Variants in USP31 observed in about 807,000 individuals in gnomAD.
The protein encoded by USP31 is ubiquitin specific peptidase 31, also known as ubiquitin carboxyl-terminal hydrolase 31.
Under a neutral mutation model 119.4 loss-of-function variants are expected in USP31, and 44 were observed. The ratio of observed to expected loss-of-function variants is 0.37; its 90% CI spans 0.29 to 0.47. The LOEUF (loss-of-function observed/expected upper bound fraction) is 0.47. USP31 is among the 20% of genes least tolerant of loss of function. The pLI, the probability that USP31 is intolerant of heterozygous loss-of-function variation, is 0.99. For missense variants in USP31, 1,643 were observed against 1,730.2 expected (o/e 0.95, Z 0.89); for synonymous variants, 749 against 705.6 (o/e 1.06, Z -0.97).
chr16:23,107,561 A>G (rs1338693146), intron 2 of USP31, among the ~76,000 whole-genome samples: 1 of 152,222 alleles, frequency 6.6e-6, no homozygotes, highest in Admixed American at 6.5e-5. Flanking sequence ...TTTTACCCAT[A>G]TTTGTAAGAC....
At chr16:23,078,196 C>A (rs1461343350) in intron 13 of USP31, among the ~76,000 whole-genome samples, 1 of 150,998 alleles carries the variant, frequency 6.6e-6, no homozygotes, top group Non-Finnish European at 1.5e-5. Context: ...CCTGTAGTCC[C>A]AGCTACTCGG....
At chr16:23,115,517 AAAG>A (rs1490930690) in intron 1 of USP31, among the ~76,000 whole-genome samples, 31 of 152,198 alleles carry the variant, frequency 2.0e-4, no homozygotes, top group Non-Finnish European at 8.8e-5. Context: ...AGAAAATAGA[AAAG>A]AAAAGAAAAA....
intron 13 of USP31, chr16:23,079,466 T>C (rs886898149): frequency 6.6e-6 from 1 of 152,572 alleles, no homozygotes; most frequent in African/African-American, 2.4e-5. Flanking sequence ...GCAGGAGACT[T>C]GCTTGAGCCC....
chr16:23,113,059 T>C (rs2141880806), intron 1 of USP31, among the ~76,000 whole-genome samples: 2 of 151,650 alleles, frequency 1.3e-5, no homozygotes, highest in African/African-American at 4.8e-5. Flanking sequence ...AAAAAAAACA[T>C]CATTAGCACT....
intron 11 of USP31, among the ~76,000 whole-genome samples, chr16:23,083,699 G>C (rs1382900003): frequency 8.9e-6 from 1 of 112,062 alleles, no homozygotes; most frequent in Non-Finnish European, 1.8e-5. Context: ...ACCTGGCGGG[G>C]GGGGGGGGGG....
At chr16:23,126,626 C>CAA (rs78273190) in intron 1 of USP31, among the ~76,000 whole-genome samples, 6 of 107,170 alleles carry the variant, frequency 5.6e-5, no homozygotes, top group Admixed American at 9.8e-5. Flanking sequence ...GACTCTGTCT[C>CAA]AAAAAAAAAA....
intron 6 of USP31, among the ~76,000 whole-genome samples, chr16:23,091,166 T>C (rs1567232437): frequency 1.3e-5 from 2 of 152,196 alleles, no homozygotes; most frequent in African/African-American, 4.8e-5. Context: ...AATAAAGATG[T>C]GGAATGTTCT....
At chr16:23,143,339 G>A (rs959894459) in intron 1 of USP31, among the ~76,000 whole-genome samples, 2 of 152,220 alleles carry the variant, frequency 1.3e-5, no homozygotes, top group South Asian at 2.1e-4. Flanking sequence ...GCTGCAAAAC[G>A]GCTCTGAGCT....
At chr16:23,081,177 A>G (rs1004928737) in intron 12 of USP31, among the ~76,000 whole-genome samples, 7 of 152,138 alleles carry the variant, frequency 4.6e-5, no homozygotes, top group African/African-American at 1.7e-4. Context: ...GTCAAAGAGG[A>G]CACTGCAGGT....
chr16:23,065,860 G>A lies in USP31; in HGVS notation c.*2186C>T, dbSNP rs893044756. ...ACCTTTGTCTAATCAAACTATAATT[G>A]TTTCAGAGATTCAGATAGGAGACTT... On this transcript the variant is annotated 3_prime_UTR_variant, in exon 16 of 16. Coordinates refer to ENST00000219689, the MANE Select transcript of USP31 (RefSeq NM_020718.4). 6.6e-6 allele frequency: 1 copy of A among 152,160 alleles called. No individual in the cohort carries two copies. Among genetic ancestry groups the A allele is most frequent in the African/African-American group, 2.4e-5 (1 of 41,442 alleles). The allele number at this position is 152,160 out of a possible 1,614,324, so 9.4% of individuals were successfully genotyped here. A position where few individuals can be genotyped will look rare whatever the true frequency, so the allele number is the denominator to read the frequency against.
chr16:23,089,917 T>C (rs1901276786), intron 7 of USP31, among the ~76,000 whole-genome samples: 1 of 152,052 alleles, frequency 6.6e-6, no homozygotes, highest in Non-Finnish European at 1.5e-5. Context: ...ACTTGGGACA[T>C]AAGACATAAG....
intron 1 of USP31, among the ~76,000 whole-genome samples, chr16:23,139,044 GA>G (rs1194297830): frequency 6.6e-6 from 1 of 152,178 alleles, no homozygotes; most frequent in Non-Finnish European, 1.5e-5. Flanking sequence ...TAAATCTGTA[GA>G]CTTAATAAAT....
intron 11 of USP31, among the ~76,000 whole-genome samples, chr16:23,082,874 A>T (rs370253044): frequency 3.1e-4 from 42 of 135,092 alleles, no homozygotes; most frequent in Admixed American, 8.0e-4. Flanking sequence ...TCTATCACCC[A>T]GGCTGGAGTA....
At chr16:23,070,394 A>G (rs1900295019) in intron 15 of USP31, among the ~76,000 whole-genome samples, 1 of 152,216 alleles carries the variant, frequency 6.6e-6, no homozygotes, top group South Asian at 2.1e-4. Flanking sequence ...TCCTAAATCC[A>G]GTAACTTAAA....
chr16:23,126,011 T>C (rs959200282), intron 1 of USP31, among the ~76,000 whole-genome samples: 2 of 152,210 alleles, frequency 1.3e-5, no homozygotes, highest in South Asian at 2.1e-4. Flanking sequence ...CTAGTTACTA[T>C]GGGGGTTAAA....
intron 1 of USP31, among the ~76,000 whole-genome samples, chr16:23,144,299 C>T (rs1029649609): frequency 6.6e-6 from 1 of 152,096 alleles, no homozygotes; most frequent in Non-Finnish European, 1.5e-5. Context: ...ATCTCCTCTG[C>T]CAACTTCAAC....
At position 23,064,935 on chromosome 16, in the gene USP31, T is replaced by C. The variant is rs1278937091; in HGVS notation, c.*3111A>G. 6.6e-6 allele frequency: 1 copy of C among 152,166 alleles called. No homozygotes were observed. Among genetic ancestry groups the C allele is most frequent in the African/African-American group, 2.4e-5 (1 of 41,426 alleles). The allele number at this position is 152,166 out of a possible 1,614,324, so 9.4% of individuals were successfully genotyped here. A position where few individuals can be genotyped will look rare whatever the true frequency, so the allele number is the denominator to read the frequency against. On this transcript the variant is annotated 3_prime_UTR_variant, in exon 16 of 16. Coordinates refer to ENST00000219689, the MANE Select transcript of USP31 (RefSeq NM_020718.4). ...CACATCCGTTCCCACTGGTCCAGCA[T>C]ATTATTACTTACTTTCAGTTCAGCT...
rs187532432 is a variant in USP31 at position 23,072,386 on chromosome 16, G to A, written c.2336-189C>T. The A allele has an allele frequency of 1.0e-4, 73 of 732,382 alleles. No homozygotes were observed. In the African/African-American group the frequency reaches 1.1e-3, roughly 11 times the overall value. 45.4% of individuals were successfully genotyped at this position (732,382 alleles called of 1,614,324 possible). ...CGAATATCCCCAGTTAAGATGAAAA[G>A]ATGTAAGGCAGACTTCCTGACGCAT... On this transcript the variant is annotated intron_variant, in intron 14 of 15. Transcript: ENST00000219689.
Position 23,080,167 on chromosome 16 carries a change from C to T in USP31, c.1955G>A (p.Gly652Glu). 6.5e-7 allele frequency: 1 copy of T among 1,539,162 alleles called. No homozygotes were observed. The highest frequency in any genetic ancestry group is 8.7e-7 in the Non-Finnish European group (1 of 1,146,824). ...IIHLKRFRQE[G>E]DRRMKLQNMV... is the part of the protein sequence containing the mutation. ...GTTCTGAAGTTTCATGCGCCTGTCT[C>T]CTTCCTGTTGCAAGAAGAAAAACAA... The change falls in exon 13 of 16, where the codon GGA (glycine) becomes GAA (glutamate). Residue 652 changes from glycine (G) to glutamate (E), a missense_variant. Around this residue, in one of 5 missense-constraint regions of USP31, gnomAD observed 279 missense variants for 372.2 expected, o/e 0.75. Coordinates refer to ENST00000219689, the MANE Select transcript of USP31 (RefSeq NM_020718.4).
Sources: allele counts gnomAD v4.1 joint callset (sites outside exome capture counted in the v4.1 genomes callset), GRCh38; gene constraint gnomAD v4.1.1; regional missense constraint gnomAD v4.1.1; transcripts MANE v1.5; gene names NCBI Gene and HGNC (gene_info 2026-07-23, HGNC 2026-07-21).